The following TENM4 variants were observed in gnomAD, a reference collection of about 807,000 sequenced individuals.
The protein encoded by TENM4 is teneurin-4.
TENM4 carries 82 observed loss-of-function variants against 243.3 expected under a neutral mutation model. The ratio of observed to expected loss-of-function variants is 0.34; its 90% confidence interval spans 0.28 to 0.40. The LOEUF is 0.40. TENM4 is among the 10% of genes least tolerant of loss of function. The pLI, the probability that TENM4 is intolerant of heterozygous loss-of-function variation, is 1.00. For synonymous variants in TENM4, 1,412 were observed against 1,456.3 expected (o/e 0.97, Z 0.69); for missense variants, 3,138 against 3,673.3 (o/e 0.85, Z 3.77).
intron 9 of TENM4, among the ~76,000 whole-genome samples, chr11:78,871,930 T>A (rs1859141529): frequency 6.6e-6 from 1 of 152,208 alleles, no homozygotes; most frequent in Admixed American, 6.5e-5. Flanking sequence ...AATTTTACCT[T>A]GTGCATGATA....
intron 17 of TENM4, among the ~76,000 whole-genome samples, chr11:78,774,215 GTTA>G (rs1856698183): frequency 1.3e-5 from 2 of 152,038 alleles, no homozygotes; most frequent in African/African-American, 2.4e-5. Context: ...AATGAGAGCT[GTTA>G]TTATTATTAT....
chr11:78,938,323 G>A (rs1856828080), intron 6 of TENM4, among the ~76,000 whole-genome samples: 1 of 152,100 alleles, frequency 6.6e-6, no homozygotes, highest in South Asian at 2.1e-4. Flanking sequence ...AGTACAAAGA[G>A]TTCCTATGCA....
chr11:79,175,849 C>A (rs1172654606), intron 3 of TENM4, among the ~76,000 whole-genome samples: 3 of 152,078 alleles, frequency 2.0e-5, no homozygotes, highest in African/African-American at 7.2e-5. Context: ...TTTTGGGAGG[C>A]CAAGGCAGGA....
At chr11:79,183,888 C>A (rs148497583) in intron 3 of TENM4, among the ~76,000 whole-genome samples, 123 of 152,020 alleles carry the variant, frequency 8.1e-4, no homozygotes, top group African/African-American at 2.6e-3. Context: ...AAATTGGAAC[C>A]CTTGTGCATT....
intron 18 of TENM4, among the ~76,000 whole-genome samples, chr11:78,761,677 A>G (rs1003295914): frequency 1.6e-5 from 2 of 125,660 alleles, no homozygotes; most frequent in Non-Finnish European, 3.3e-5. Context: ...CTTTTGAGGT[A>G]TAGGCTTGGT....
chr11:79,164,963 G>GTA (rs1565231674), intron 3 of TENM4, among the ~76,000 whole-genome samples: 3 of 141,114 alleles, frequency 2.1e-5, no homozygotes, highest in African/African-American at 5.8e-5. Flanking sequence ...ATATATGTGT[G>GTA]TGTGTGTGTG....
At chr11:78,660,839 C>A (rs1353773204) in intron 33 of TENM4, among the ~76,000 whole-genome samples, 2 of 152,106 alleles carry the variant, frequency 1.3e-5, no homozygotes, top group Non-Finnish European at 2.9e-5. Context: ...AAGACCTTTC[C>A]AGCTATACAA....
intron 7 of TENM4, among the ~76,000 whole-genome samples, chr11:78,894,521 T>C (rs1855743922): frequency 6.6e-6 from 1 of 152,174 alleles, no homozygotes; most frequent in Non-Finnish European, 1.5e-5. Context: ...GACTGGACAA[T>C]TATCTTCTAA....
intron 3 of TENM4, among the ~76,000 whole-genome samples, chr11:79,161,841 G>A (rs986369536): frequency 6.6e-5 from 10 of 152,212 alleles, no homozygotes; most frequent in African/African-American, 2.4e-4. Context: ...AACATGGGTT[G>A]AGTACTAACT....
chr11:79,121,860 A>AGT (rs1358054771), intron 4 of TENM4, among the ~76,000 whole-genome samples: 4 of 152,232 alleles, frequency 2.6e-5, no homozygotes, highest in African/African-American at 9.6e-5. Context: ...TTCTAGGACC[A>AGT]GTTTCTGAAT....
rs59360725 is a variant in TENM4, at chr11:79,124,756, A to AATATAT, written c.-66+23948_-66+23953dup. On this transcript the variant is annotated intron_variant, in intron 4 of 33. Transcript: ENST00000278550. ...TTCTCTAGAGGGACAGAACTAATCA[A>AATATAT]ATATATATATATATATACACATATA... is the stretch of plus-strand genomic sequence containing the variant. Among the ~76,000 whole-genome samples, 54 of 133,872 alleles carry AATATAT rather than the reference A, an allele frequency of 4.0e-4. No individual in the cohort carries two copies. The East Asian group carries it at 8.2e-3, about 20-fold the overall frequency. 87.8% of individuals were successfully genotyped at this position (133,872 alleles called of 152,430 possible). A position where few individuals can be genotyped will look rare whatever the true frequency, so the allele number is the denominator to read the frequency against.
intron 6 of TENM4, among the ~76,000 whole-genome samples, chr11:78,968,953 T>A (rs939148460): frequency 1.3e-5 from 2 of 152,234 alleles, no homozygotes; most frequent in African/African-American, 2.4e-5. Context: ...CAAAGCCCAA[T>A]GTCGCTGCTG....
intron 1 of TENM4, among the ~76,000 whole-genome samples, chr11:79,372,002 T>C (rs759664757): frequency 3.3e-5 from 5 of 152,196 alleles, no homozygotes; most frequent in Admixed American, 2.0e-4. Flanking sequence ...GGATAGAATT[T>C]GGAGTAGGAA....
rs970525401 is a variant in TENM4, at chr11:79,004,936, A to G, written c.493+59802T>C. The stretch of plus-strand genomic sequence containing the variant: ...GTGACATTATTAATGATCCCATAGA[A>G]ATACCAAAAAAAAAAAAAAAAAAAA... On this transcript the variant is annotated intron_variant, in intron 6 of 33. Coordinates refer to ENST00000278550, the MANE Select transcript of TENM4 (RefSeq NM_001098816.3). 2.7e-5 allele frequency among the ~76,000 whole-genome samples: 3 copies of G among 111,294 alleles called. No homozygotes were observed. The Admixed American group carries it at 3.2e-4, about 12-fold the overall frequency. The allele number at this position is 111,294 out of a possible 152,430, so 73.0% of individuals were successfully genotyped here.
In TENM4 at chr11:79,148,088, C is replaced by A. The variant is rs527478371; in HGVS notation, c.-66+622G>T. On this transcript the variant is annotated intron_variant, in intron 4 of 33. Transcript: ENST00000278550. ...AACCCAGGCCTGCTCTTTGGGTTTA[C>A]CCTGCTTTGATTCTCATCCATATAC... Among the ~76,000 whole-genome samples, 29 of 152,228 alleles carry A rather than the reference C, an allele frequency of 1.9e-4. No homozygotes were observed. The South Asian group carries it at 6.0e-3, about 32-fold the overall frequency.
chr11:78,814,070 C>T (rs1857554801), intron 13 of TENM4, among the ~76,000 whole-genome samples: 1 of 152,154 alleles, frequency 6.6e-6, no homozygotes, highest in African/African-American at 2.4e-5. Flanking sequence ...TTCACCCTCC[C>T]TTCCTGACCT....
intron 1 of TENM4, among the ~76,000 whole-genome samples, chr11:79,386,739 C>T (rs1437195282): frequency 1.4e-5 from 2 of 143,016 alleles, no homozygotes; most frequent in African/African-American, 2.6e-5. Flanking sequence ...TGAACACGGC[C>T]GTTGAGTTCA....
At chr11:78,880,454 T>C (rs1175670864) in intron 9 of TENM4, among the ~76,000 whole-genome samples, 2 of 33,416 alleles carry the variant, frequency 6.0e-5, no homozygotes, top group African/African-American at 5.7e-4. Context: ...GATCAATAAA[T>C]ACTAAAAAAA....
At chr11:79,075,860 C>A (rs1324989018) in intron 4 of TENM4, among the ~76,000 whole-genome samples, 7 of 152,206 alleles carry the variant, frequency 4.6e-5, no homozygotes, top group African/African-American at 1.7e-4. Flanking sequence ...GAGAAGAATT[C>A]ATTTTCACAA....
Sources: gnomAD v4.1 joint callset for allele counts (sites outside exome capture counted in the v4.1 genomes callset) on GRCh38, gnomAD v4.1.1 for gene constraint, MANE v1.5 for transcripts, NCBI Gene and HGNC (gene_info 2026-07-23, HGNC 2026-07-21) for gene names.